Variants in OR4N2 observed in about 807,000 individuals in gnomAD.
OR4N2 encodes olfactory receptor 4N2.
For missense variants in OR4N2, 307 were observed against 377.6 expected (o/e 0.81, Z 1.55); for synonymous variants, 141 against 140.4 (o/e 1.00, Z -0.03).
At position 19,827,499 on chromosome 14, in the gene OR4N2, G is replaced by C. The variant is rs1448172121; in HGVS notation, c.51G>C (p.Leu17=). 6.2e-7 allele frequency: 1 copy of C among 1,612,676 alleles called. No homozygotes were observed. Among genetic ancestry groups the C allele is most frequent in the Middle Eastern group, 1.7e-4 (1 of 6,054 alleles). ...TVIREFILLG[L]TQSQDIQLLV... ...TAAGAGAATTCATCCTCCTTGGTCT[G>C]ACCCAGTCTCAAGATATTCAGCTCC... is the stretch of plus-strand genomic sequence containing the variant. Residue 17 remains leucine, a synonymous_variant, in exon 2 of 2, where the codon CTG becomes CTC. Coordinates refer to ENST00000557677, the MANE Select transcript of OR4N2 (RefSeq NM_001004723.3).
At chr14:19,810,974 T>C (rs950637834) in intron 1 of OR4N2, among the ~76,000 whole-genome samples, 6 of 152,234 alleles carry the variant, frequency 3.9e-5, no homozygotes, top group African/African-American at 1.4e-4. Context: ...GAATATATTT[T>C]AAAAGGAAAT....
chr14:19,829,199 CT>C lies in OR4N2; in HGVS notation c.*828del, dbSNP rs1265596343. The C allele has an allele frequency of 6.6e-6, 1 of 152,248 alleles. No individual in the cohort carries two copies. The allele number at this position is 152,248 out of a possible 1,614,324, so 9.4% of individuals were successfully genotyped here. On this transcript the variant is annotated 3_prime_UTR_variant, in exon 2 of 2. Transcript: ENST00000557677. The stretch of plus-strand genomic sequence containing the variant: ...GGCAAAAGAAAGCTGGTTACTTTTA[CT>C]GAAAAAGATCACAAAAACATTTTAC...
intron 1 of OR4N2, among the ~76,000 whole-genome samples, chr14:19,818,280 G>GCAAGAATTTCAAGCCAGTGGATCTTAGCT (rs1879477724): frequency 2.0e-5 from 3 of 152,316 alleles, no homozygotes; most frequent in Admixed American, 6.5e-5. Context: ...TGACAGTGGG[G>GCAAGAATTTCAAGCCAGTGGATCTTAGCT]TGTTAAAATC....
At chr14:19,813,680 G>T (rs1879356621) in intron 1 of OR4N2, among the ~76,000 whole-genome samples, 1 of 152,160 alleles carries the variant, frequency 6.6e-6, no homozygotes, top group African/African-American at 2.4e-5. Flanking sequence ...GAGATGTATA[G>T]AAATTCTAGT....
At chr14:19,812,329 C>CTTTTTTTTTTTTTTTTTTTTTTT (rs3078143) in intron 1 of OR4N2, among the ~76,000 whole-genome samples, 23 of 117,438 alleles carry the variant, frequency 2.0e-4, no homozygotes, top group East Asian at 5.2e-4. Flanking sequence ...CTTTTCTTTT[C>CTTTTTTTTTTTTTTTTTTTTTTT]TTTTTTTTTT....
At chr14:19,820,727 T>G (rs1366630076) in intron 1 of OR4N2, among the ~76,000 whole-genome samples, 1 of 152,242 alleles carries the variant, frequency 6.6e-6, no homozygotes, top group Non-Finnish European at 1.5e-5. Context: ...TTATTTACAC[T>G]GTGAAGGGAA....
At chr14:19,820,249 T>C (rs1021649575) in intron 1 of OR4N2, among the ~76,000 whole-genome samples, 1 of 152,230 alleles carries the variant, frequency 6.6e-6, no homozygotes, top group Non-Finnish European at 1.5e-5. Context: ...CTGGATTCAT[T>C]GATTTTTTGA....
chr14:19,821,351 G>GGGAGTTGCAGACC (rs1879560652), intron 1 of OR4N2, among the ~76,000 whole-genome samples: 1 of 152,224 alleles, frequency 6.6e-6, no homozygotes, highest in African/African-American at 2.4e-5. Flanking sequence ...TGGTCTTGCT[G>GGGAGTTGCAGACC]GGAGTTGCAG....
chr14:19,816,926 CT>C (rs1225382599), intron 1 of OR4N2, among the ~76,000 whole-genome samples: 1 of 152,212 alleles, frequency 6.6e-6, no homozygotes, highest in Non-Finnish European at 1.5e-5. Flanking sequence ...TATCGAAGGC[CT>C]TTTCTGCATC....
At chr14:19,825,435 C>G (rs1255155355) in intron 1 of OR4N2, among the ~76,000 whole-genome samples, 1 of 152,200 alleles carries the variant, frequency 6.6e-6, no homozygotes, top group African/African-American at 2.4e-5. Context: ...CATCCTATAT[C>G]TTCTTGTCTT....
At position 19,829,122 on chromosome 14, in the gene OR4N2, A is replaced by G. The variant is rs1277098813; in HGVS notation, c.*750A>G. ...AGGAAAATATTATATTTGTAAGTGC[A>G]CTTTGAAAGATATTAAACTACCAAT... On this transcript the variant is annotated 3_prime_UTR_variant, in exon 2 of 2. Coordinates refer to ENST00000557677, the MANE Select transcript of OR4N2 (RefSeq NM_001004723.3). 4 of 152,270 alleles carry G rather than the reference A, an allele frequency of 2.6e-5. No homozygotes were observed. Among genetic ancestry groups the G allele is most frequent in the Admixed American group, 2.0e-4 (3 of 15,286 alleles). 9.4% of individuals were successfully genotyped at this position (152,270 alleles called of 1,614,324 possible).
intron 1 of OR4N2, among the ~76,000 whole-genome samples, chr14:19,819,223 T>A (rs543661439): frequency 6.6e-6 from 1 of 152,382 alleles, no homozygotes; most frequent in Admixed American, 6.5e-5. Flanking sequence ...TGAATTTTAA[T>A]GTTGGCCTGT....
chr14:19,813,548 G>C (rs1231789046), intron 1 of OR4N2, among the ~76,000 whole-genome samples: 2 of 152,256 alleles, frequency 1.3e-5, no homozygotes, highest in African/African-American at 4.8e-5. Flanking sequence ...TAAAGTGGGA[G>C]CTTAAGGGTA....
At chr14:19,805,055 T>C (rs1422352823) in intron 1 of OR4N2, among the ~76,000 whole-genome samples, 2 of 152,216 alleles carry the variant, frequency 1.3e-5, no homozygotes, top group Non-Finnish European at 2.9e-5. Context: ...GTCTATTTTT[T>C]CTCCATCCCT....
chr14:19,807,914 G>A (rs1879203932), intron 1 of OR4N2, among the ~76,000 whole-genome samples: 1 of 152,194 alleles, frequency 6.6e-6, no homozygotes, highest in Non-Finnish European at 1.5e-5. Context: ...TTCCTGAGAT[G>A]TAAGGCTTAT....
intron 1 of OR4N2, among the ~76,000 whole-genome samples, chr14:19,812,243 A>G (rs1879314038): frequency 6.6e-6 from 1 of 152,030 alleles, no homozygotes; most frequent in African/African-American, 2.4e-5. Context: ...AAGTCATGCC[A>G]TAGAAGTAAA....
intron 1 of OR4N2, among the ~76,000 whole-genome samples, chr14:19,824,255 C>T (rs1229170475): frequency 2.0e-5 from 3 of 152,130 alleles, no homozygotes; most frequent in Non-Finnish European, 2.9e-5. Context: ...TTAGACTCTG[C>T]GTCTATTCCA....
intron 1 of OR4N2, among the ~76,000 whole-genome samples, chr14:19,823,593 A>G (rs2138479216): frequency 6.6e-6 from 1 of 152,368 alleles, no homozygotes; most frequent in East Asian, 1.9e-4. Context: ...GGTGTGGGGT[A>G]GAATGGAGTA....
chr14:19,809,811 A>T (rs1879252743), intron 1 of OR4N2, among the ~76,000 whole-genome samples: 3 of 152,256 alleles, frequency 2.0e-5, no homozygotes, highest in Admixed American at 2.0e-4. Context: ...CAAAAGACTG[A>T]AATGTAACCC....
Sources: allele counts gnomAD v4.1 joint callset (sites outside exome capture counted in the v4.1 genomes callset), GRCh38; gene constraint gnomAD v4.1.1; transcripts MANE v1.5; gene names NCBI Gene and HGNC (gene_info 2026-07-23, HGNC 2026-07-21).